Variants in KIF11 observed in about 807,000 individuals in gnomAD.
KIF11 encodes the protein kinesin family member 11, also known as kinesin-like protein KIF11.
Under a neutral mutation model 121.0 loss-of-function variants are expected in KIF11, and 9 were observed. The observed-to-expected ratio is 0.07, with a 90% CI of 0.04 to 0.13. KIF11 has a LOEUF of 0.13. Ranked by LOEUF, KIF11 falls within the 10% of genes least tolerant of loss-of-function variation. The pLI is 1.00. For missense variants in KIF11, 846 were observed against 1,217.5 expected, an observed-to-expected ratio of 0.69 and a Z score of 4.54; for synonymous variants, 408 against 421.0, an observed-to-expected ratio of 0.97 and a Z score of 0.38.
In KIF11 at chr10:92,653,005, T is replaced by G. The variant is rs1845004235; in HGVS notation, c.3040-660T>G. The stretch of plus-strand genomic sequence containing the variant: ...TCTGTATGGGTAAGTAGGATTCCAA[T>G]GAAATAGAACTTCCAAATGAGGAAT... On this transcript the variant is annotated intron_variant, in intron 21 of 21. Transcript: ENST00000260731. Among the ~76,000 whole-genome samples, 3 of 152,156 alleles carry G rather than the reference T, an allele frequency of 2.0e-5. 1 individual carries two copies. The South Asian group carries it at 6.2e-4, about 32-fold the overall frequency.
intron 14 of KIF11, among the ~76,000 whole-genome samples, chr10:92,636,663 A>G (rs1269341086): frequency 2.6e-5 from 4 of 152,070 alleles, no homozygotes; most frequent in Non-Finnish European, 5.9e-5. Flanking sequence ...GCTTGAAAAA[A>G]GAGAAATTAT....
At chr10:92,601,594 C>T (rs1426894878) in intron 1 of KIF11, among the ~76,000 whole-genome samples, 1 of 143,422 alleles carries the variant, frequency 7.0e-6, no homozygotes, top group Non-Finnish European at 1.5e-5. Context: ...CATTGGGCAT[C>T]CTTGTCTTGC....
intron 4 of KIF11, among the ~76,000 whole-genome samples, chr10:92,607,890 C>T (rs1013123836): frequency 1.3e-5 from 2 of 151,852 alleles, no homozygotes; most frequent in African/African-American, 2.4e-5. Context: ...CACGGTGGCT[C>T]ATGCCTGTAA....
chr10:92,628,783 A>C, intron 10 of KIF11, 25 bp from the exon 11 acceptor site: 1 of 1,274,864 alleles, frequency 7.8e-7, no homozygotes, highest in Non-Finnish European at 1.1e-6. Flanking sequence ...ATTAACTGTT[A>C]AACTCATATT....
At chr10:92,628,985 A>G in intron 11 of KIF11, 90 bp downstream of exon 11, 1 of 777,100 alleles carries the variant, frequency 1.3e-6, no homozygotes, top group Non-Finnish European at 2.1e-6. Flanking sequence ...TTTTCCTTCA[A>G]GATTTTTTTT....
chr10:92,593,169 G>C lies in KIF11; in HGVS notation c.-207G>C, dbSNP rs1485075212. 1.9e-6 allele frequency: 1 copy of C among 528,064 alleles called. No homozygotes were observed. Among genetic ancestry groups the C allele is most frequent in the African/African-American group, 2.0e-5 (1 of 51,054 alleles). 32.7% of individuals were successfully genotyped at this position (528,064 alleles called of 1,614,324 possible). On this transcript the variant is annotated 5_prime_UTR_variant, in exon 1 of 22. Transcript: ENST00000260731. ...CGGGCGGAGACGAGATTAGTGATTT[G>C]GCGGCTCCGACTGGCGCGGGACAAA...
intron 4 of KIF11, among the ~76,000 whole-genome samples, chr10:92,608,613 ATTT>A (rs1844457039): frequency 6.6e-6 from 1 of 151,984 alleles, no homozygotes; most frequent in Admixed American, 6.6e-5. Flanking sequence ...TAATTTTTGT[ATTT>A]TTAGTAGAGA....
At chr10:92,610,146 T>TTA (rs1393899239) in intron 6 of KIF11, among the ~76,000 whole-genome samples, 1 of 152,166 alleles carries the variant, frequency 6.6e-6, no homozygotes, top group Non-Finnish European at 1.5e-5. Flanking sequence ...GCTCTGAGGC[T>TTA]TACCTCCTTA....
chr10:92,619,372 CAGTTTT>C (rs1844594884), intron 9 of KIF11, among the ~76,000 whole-genome samples: 1 of 152,110 alleles, frequency 6.6e-6, no homozygotes, highest in Admixed American at 6.6e-5. Flanking sequence ...ACCATACATA[CAGTTTT>C]TGTAACCATT....
At chr10:92,618,975 G>C (rs993911731) in intron 9 of KIF11, among the ~76,000 whole-genome samples, 2 of 151,842 alleles carry the variant, frequency 1.3e-5, no homozygotes, top group African/African-American at 4.8e-5. Flanking sequence ...TTATTGATTG[G>C]AATCATACAT....
At position 92,645,364 on chromosome 10, in the gene KIF11, A is replaced by G. The variant is rs1489206658; in HGVS notation, c.2269A>G (p.Lys757Glu). 12 of 1,597,774 alleles carry G rather than the reference A, an allele frequency of 7.5e-6. No individual in the cohort carries two copies. The highest frequency in any genetic ancestry group is 1.0e-5 in the Non-Finnish European group (12 of 1,170,188). ...LSSVQENIQQ[K>E]SKDIVNKMTF... ...CAGTGTCATTCTCTTTTCCTATAGGAAATCTAAGGATATAGTCAACAAAAT... is the reference window on the plus strand; with the variant it reads ...CAGTGTCATTCTCTTTTCCTATAGGGAATCTAAGGATATAGTCAACAAAAT... The change falls in exon 18 of 22, where the codon AAA (lysine) becomes GAA (glutamate). Residue 757 changes from lysine (K) to glutamate (E), a missense_variant and splice_region_variant. Transcript: ENST00000260731.
At chr10:92,602,265 C>T (rs1844380925) in intron 1 of KIF11, among the ~76,000 whole-genome samples, 1 of 152,086 alleles carries the variant, frequency 6.6e-6, no homozygotes, top group South Asian at 2.1e-4. Context: ...GTAATGCTTG[C>T]CTCACAAAAT....
chr10:92,647,260 GT>G (rs911513057), intron 18 of KIF11, among the ~76,000 whole-genome samples: 3 of 149,236 alleles, frequency 2.0e-5, no homozygotes, highest in African/African-American at 2.5e-5. Context: ...TCAGCAACAA[GT>G]TTTTTTTTTC....
In KIF11 at chr10:92,606,379, A is replaced by G. The variant is rs1218895422; in HGVS notation, c.192A>G (p.Lys64=). 1.2e-6 allele frequency: 2 copies of G among 1,608,396 alleles called. No homozygotes were observed. Among genetic ancestry groups the G allele is most frequent in the African/African-American group, 1.3e-5 (1 of 74,640 alleles). The change falls in exon 2 of 22, where the codon AAA becomes AAG. Residue 64 remains lysine, a synonymous_variant. Coordinates refer to ENST00000260731, the MANE Select transcript of KIF11 (RefSeq NM_004523.4). ...TGGLADKSSR[K]TYTFDMVFGA... ...GATTGGCTGACAAGAGCTCAAGGAA[A>G]ACATACACTTTTGATATGGTAACAT...
chr10:92,617,075 C>A (rs767353674), intron 9 of KIF11, among the ~76,000 whole-genome samples: 1 of 152,152 alleles, frequency 6.6e-6, no homozygotes, highest in Non-Finnish European at 1.5e-5. Flanking sequence ...TTTACATTTA[C>A]AAAATTTATT....
At chr10:92,639,704 T>G in intron 16 of KIF11, 90 bp from the exon 17 acceptor site, 1 of 707,022 alleles carries the variant, frequency 1.4e-6, no homozygotes, top group South Asian at 1.8e-5. Context: ...TTCTCACCTA[T>G]GGACAATACT....
At position 92,613,992 on chromosome 10, in the gene KIF11, G is replaced by A. The variant is rs1449071508; in HGVS notation, c.1032+373G>A. ...CCCCATCTCAAAAAAAAAAAAGTAT[G>A]TGTATAAAAAAAAAGAAAAGTATGT... On this transcript the variant is annotated intron_variant, in intron 8 of 21. Coordinates refer to ENST00000260731, the MANE Select transcript of KIF11 (RefSeq NM_004523.4). The surrounding 1 kb of genome is among the most constrained non-coding windows in gnomAD (Gnocchi z 4.2). Among the ~76,000 whole-genome samples, 7 of 128,670 alleles carry A rather than the reference G, an allele frequency of 5.4e-5. No individual in the cohort carries two copies. The East Asian group carries it at 8.9e-4, about 16-fold the overall frequency. 84.4% of individuals were successfully genotyped at this position (128,670 alleles called of 152,430 possible).
intron 16 of KIF11, among the ~76,000 whole-genome samples, chr10:92,638,381 A>T (rs1439453702): frequency 1.3e-5 from 2 of 152,134 alleles, no homozygotes; most frequent in Non-Finnish European, 2.9e-5. Flanking sequence ...AAAAGCATCC[A>T]TGTTTGAGTG....
intron 1 of KIF11, among the ~76,000 whole-genome samples, chr10:92,600,002 AT>A (rs1175585646): frequency 1.9e-5 from 2 of 104,010 alleles, no homozygotes; most frequent in Non-Finnish European, 1.9e-5. Flanking sequence ...TATTATTATT[AT>A]TTATTTATTT....
Sources: gnomAD v4.1 joint callset for allele counts (sites outside exome capture counted in the v4.1 genomes callset) on GRCh38, gnomAD v4.1.1 for gene constraint, Gnocchi (gnomAD v3.1) non-coding constraint, MANE v1.5 for transcripts, NCBI Gene and HGNC (gene_info 2026-07-23, HGNC 2026-07-21) for gene names.